COL7A1: variants seen among roughly 807,000 people sequenced by gnomAD.
COL7A1 encodes collagen type VII alpha 1 chain.
In COL7A1, 296 loss-of-function variants were observed where a neutral mutation model predicts 456.2. The ratio of observed to expected loss-of-function variants is 0.65; its 90% CI spans 0.59 to 0.71. COL7A1 has a LOEUF of 0.71. Ranked by LOEUF, COL7A1 falls within the 30% of genes least tolerant of loss-of-function variation. The pLI, the probability that COL7A1 is intolerant of heterozygous loss-of-function variation, is 0.00. For synonymous variants in COL7A1, 1,464 were observed against 1,525.9 expected (o/e 0.96, Z 0.95); for missense variants, 3,441 against 4,017.2 (o/e 0.86, Z 3.88).
At position 48,567,070 on chromosome 3, in the gene COL7A1, GACCCTCT is replaced by G. The variant is rs757268267; in HGVS notation, c.8109+51_8110-48del. 6.9e-5 allele frequency: 112 copies of G among 1,613,000 alleles called. No homozygotes were observed. The highest frequency in any genetic ancestry group is 8.3e-5 in the Non-Finnish European group (98 of 1,179,330). On this transcript the variant is annotated intron_variant, in intron 110 of 118. Transcript: ENST00000681320. The surrounding 1 kb of genome is among the most constrained non-coding windows in gnomAD (Gnocchi z 4.3). ...TCAGTAATCAGAGGCCCCAGAGATG[GACCCTCT>G]CCCAAAGTGCACGCTCCCCTCAATT...
Position 48,579,907 on chromosome 3 carries a change from C to T in COL7A1, c.5125-93G>A, listed in dbSNP as rs560647464. The stretch of plus-strand genomic sequence containing the variant: ...GGGTCTGTGAGGGGCTCCAGGGATC[C>T]GCGGAGGTTTCAGAGGGACAGTGGG... On this transcript the variant is annotated intron_variant, in intron 57 of 118. Coordinates refer to ENST00000681320, the MANE Select transcript of COL7A1 (RefSeq NM_000094.4). This position sits in a 1 kb window ranked among gnomAD's most constrained non-coding sequence, Gnocchi z 4.4. 24 of 1,608,458 alleles carry T rather than the reference C, an allele frequency of 1.5e-5. 2 individuals carry two copies. The highest frequency in any genetic ancestry group is 9.3e-5 in the African/African-American group (7 of 74,878).
At position 48,592,703 on chromosome 3, in the gene COL7A1, C is replaced by A. The variant is rs1339832488; in HGVS notation, c.847-4G>T. 6.2e-7 allele frequency: 1 copy of A among 1,613,694 alleles called. No individual in the cohort carries two copies. The highest frequency in any genetic ancestry group is 8.5e-7 in the Non-Finnish European group (1 of 1,180,046). ...TCTCACCAGCTGGGACGTTCACCTG[C>A]CCAGGGCAAGAGGTCACTTTATCTT... On this transcript the variant is annotated splice_polypyrimidine_tract_variant and splice_region_variant and intron_variant, in intron 7 of 118. Coordinates refer to ENST00000681320, the MANE Select transcript of COL7A1 (RefSeq NM_000094.4). This position sits in a 1 kb window ranked among gnomAD's most constrained non-coding sequence, Gnocchi z 7.6.
At position 48,587,023 on chromosome 3, in the gene COL7A1, G is replaced by GA; in HGVS notation, c.3224dup (p.Leu1076ProfsTer38). 1 of 1,605,034 alleles carries GA rather than the reference G, an allele frequency of 6.2e-7. No individual in the cohort carries two copies. The highest frequency in any genetic ancestry group is 8.5e-7 in the Non-Finnish European group (1 of 1,175,846). On this transcript the variant is annotated frameshift_variant, in exon 25 of 119. Transcript: ENST00000681320. LOFTEE classifies it high-confidence loss of function. The surrounding 1 kb of genome is among the most constrained non-coding windows in gnomAD (Gnocchi z 6.1). ...CAAGTGCCAACACCAGACGCTCCAG[G>GA]ACCCTCCTCGTAGCCTCCGCACGGT...
chr3:48,566,694 C>T lies in COL7A1; in HGVS notation c.8270G>A (p.Gly2757Glu). 6.2e-7 allele frequency: 1 copy of T among 1,614,070 alleles called. No homozygotes were observed. Among genetic ancestry groups the T allele is most frequent in the Non-Finnish European group, 8.5e-7 (1 of 1,179,994 alleles). ...PPGERVVGAP[G>E]VPGAPGERGE... ...TCTCTCGCCAGGAGCTCCAGGGACC[C>T]CAGGAGCCCCCACCACTCTCTCTCC... Residue 2757 changes from glycine (G) to glutamate (E), a missense_variant, in exon 112 of 119, where the codon GGG becomes GAG. By Grantham distance (98) the Gly-to-Glu change is moderately conservative. Coordinates refer to ENST00000681320, the MANE Select transcript of COL7A1 (RefSeq NM_000094.4). The surrounding 1 kb of genome is among the most constrained non-coding windows in gnomAD (Gnocchi z 5.9).
Position 48,586,322 on chromosome 3 carries a change from T to C in COL7A1, c.3550+10A>G. ...TTCCCAGACCCCTTCCCCATCAGCCTACTCCTTACCAGAAGCCTGGGCCTC... is the reference window on the plus strand; with the variant it reads ...TTCCCAGACCCCTTCCCCATCAGCCCACTCCTTACCAGAAGCCTGGGCCTC... On this transcript the variant is annotated intron_variant, in intron 27 of 118. Transcript: ENST00000681320. This position sits in a 1 kb window ranked among gnomAD's most constrained non-coding sequence, Gnocchi z 5.1. 1 of 1,613,844 alleles carries C rather than the reference T, an allele frequency of 6.2e-7. No individual in the cohort carries two copies. Among genetic ancestry groups the C allele is most frequent in the Non-Finnish European group, 8.5e-7 (1 of 1,179,962 alleles).
rs2045898410 is a variant in COL7A1, at chr3:48,594,047, G to T, written c.266+321C>A. The stretch of plus-strand genomic sequence containing the variant: ...AGCACCTCTGGTGAACGGCTGCAAG[G>T]GTTAGAGGGCTAGAACGTGGAGAAT... On this transcript the variant is annotated intron_variant, in intron 3 of 118. Transcript: ENST00000681320. This position sits in a 1 kb window ranked among gnomAD's most constrained non-coding sequence, Gnocchi z 5.5. 6.6e-6 allele frequency among the ~76,000 whole-genome samples: 1 copy of T among 152,202 alleles called. No individual in the cohort carries two copies. The highest frequency in any genetic ancestry group is 1.5e-5 in the Non-Finnish European group (1 of 68,034).
rs1330168198 is a variant in COL7A1 at position 48,567,811 on chromosome 3, G to GC, written c.7929+26dup. 8.7e-6 allele frequency: 14 copies of GC among 1,613,828 alleles called. No individual in the cohort carries two copies. The East Asian group carries it at 3.1e-4, about 36-fold the overall frequency. On this transcript the variant is annotated intron_variant, in intron 107 of 118. Transcript: ENST00000681320. This position sits in a 1 kb window ranked among gnomAD's most constrained non-coding sequence, Gnocchi z 4.3. ...TGAGCCTTAGGCCCCAGGCCACGTA[G>GC]CCCCCCAGCCCCCATCCCCTCTGTA...
rs762416219 is a variant in COL7A1 at position 48,577,020 on chromosome 3, G to C, written c.5540C>G (p.Pro1847Arg). Residue 1847 changes from proline (P) to arginine (R), a missense_variant, in exon 66 of 119, where the codon CCT (proline) becomes CGT (arginine). Transcript: ENST00000681320. ...KPGLNGKNGE[P>R]GDPGEDGRKG... ...CCTCCCGTCTTCTCCAGGGTCCCCA[G>C]GTTCTCCCTGTGGGCAGAGGACTCA... is the stretch of plus-strand genomic sequence containing the variant. 1.2e-6 allele frequency: 2 copies of C among 1,613,950 alleles called. No homozygotes were observed. Among genetic ancestry groups the C allele is most frequent in the Non-Finnish European group, 1.7e-6 (2 of 1,180,036 alleles).
In COL7A1 at chr3:48,585,077, G is replaced by C. The variant is rs375795047; in HGVS notation, c.3934C>G (p.Arg1312Gly). The C allele has an allele frequency of 1.2e-6, 2 of 1,612,162 alleles. No homozygotes were observed. Among genetic ancestry groups the C allele is most frequent in the African/African-American group, 2.7e-5 (2 of 74,888 alleles). Residue 1312 changes from arginine (R) to glycine (G), a missense_variant, in exon 33 of 119, where the codon CGC becomes GGC. Around this residue, in one of 3 missense-constraint regions of COL7A1, gnomAD observed 2,084 missense variants for 2,501.3 expected, o/e 0.83. Transcript: ENST00000681320. The surrounding 1 kb of genome is among the most constrained non-coding windows in gnomAD (Gnocchi z 4.5). ...GADGRPGSPG[R>G]AGNPGTPGAP... ...CCAGGGGTCCCAGGATTCCCGGCGC[G>C]GCCAGGGCTGCCTGGACGCCCATCT...
chr3:48,590,241 G>A lies in COL7A1; in HGVS notation c.2022C>T (p.Gly674=), dbSNP rs1488401938. Residue 674 remains glycine (G), a synonymous_variant, in exon 16 of 119, where the codon GGC becomes GGT. Transcript: ENST00000681320. This position sits in a 1 kb window ranked among gnomAD's most constrained non-coding sequence, Gnocchi z 4.6. Reference sequence around the variant, plus strand: ...TTCGAGCCACGATGACTGCAGCAGGGCCCTCCTCTCTGCCTCGCAGTACCG... The same window carrying A: ...TTCGAGCCACGATGACTGCAGCAGGACCCTCCTCTCTGCCTCGCAGTACCG... ...AVSVLRGREE[G]PAAVIVARTD... is the part of the protein sequence containing the mutation. 3 of 1,613,570 alleles carry A rather than the reference G, an allele frequency of 1.9e-6. No homozygotes were observed. Among genetic ancestry groups the A allele is most frequent in the South Asian group, 1.1e-5 (1 of 91,070 alleles).
At position 48,592,674 on chromosome 3, in the gene COL7A1, C is replaced by T; in HGVS notation, c.872G>A (p.Ser291Asn). ...TGGCCGGAGACCCCGCAGCCGCACA[C>T]TGGTCTCACCAGCTGGGACGTTCAC... ...QEVNVPAGETSVRLRGLRPLT... is the reference protein window; with the variant it reads ...QEVNVPAGETNVRLRGLRPLT... Residue 291 changes from serine (S) to asparagine (N), a missense_variant, in exon 8 of 119, where the codon AGT becomes AAT. Ser to Asn is a conservative substitution (Grantham distance 46). Coordinates refer to ENST00000681320, the MANE Select transcript of COL7A1 (RefSeq NM_000094.4). The surrounding 1 kb of genome is among the most constrained non-coding windows in gnomAD (Gnocchi z 7.6). 1 of 1,613,786 alleles carries T rather than the reference C, an allele frequency of 6.2e-7. No individual in the cohort carries two copies. Among genetic ancestry groups the T allele is most frequent in the East Asian group, 2.2e-5 (1 of 44,834 alleles).
rs753913795 is a variant in COL7A1, at chr3:48,571,080, G to A, written c.7164+21C>T. ...GGCCCGGCCTGCTGCCCCTACAACT[G>A]GTGATGGGGCATTGACTTACCTTCA... On this transcript the variant is annotated intron_variant, in intron 94 of 118. Coordinates refer to ENST00000681320, the MANE Select transcript of COL7A1 (RefSeq NM_000094.4). This position sits in a 1 kb window ranked among gnomAD's most constrained non-coding sequence, Gnocchi z 4.6. 6.2e-7 allele frequency: 1 copy of A among 1,613,660 alleles called. No individual in the cohort carries two copies. The highest frequency in any genetic ancestry group is 1.1e-5 in the South Asian group (1 of 91,078).
rs1211190545 is a variant in COL7A1, at chr3:48,576,183, G to A, written c.5820+66C>T. On this transcript the variant is annotated intron_variant, in intron 71 of 118. Coordinates refer to ENST00000681320, the MANE Select transcript of COL7A1 (RefSeq NM_000094.4). ...ATGGAGCCTCATGGCAAGGGGAAGG[G>A]GATGGCAAGGTGGCCCCAATGGGCA... The A allele has an allele frequency of 1.9e-6, 3 of 1,605,824 alleles. No individual in the cohort carries two copies. In the African/African-American group the frequency reaches 4.0e-5, roughly 21 times the overall value.
At position 48,568,654 on chromosome 3, in the gene COL7A1, G is replaced by A. The variant is rs928947516; in HGVS notation, c.7759-120C>T. ...AGGGCCCAGGCCACACACAGATCCC[G>A]GGTGAACACACATGGGGCCGGCAGC... On this transcript the variant is annotated intron_variant, in intron 104 of 118. Transcript: ENST00000681320. The surrounding 1 kb of genome is among the most constrained non-coding windows in gnomAD (Gnocchi z 5.2). 22 of 1,472,740 alleles carry A rather than the reference G, an allele frequency of 1.5e-5. No individual in the cohort carries two copies. The highest frequency in any genetic ancestry group is 2.8e-5 in the African/African-American group (2 of 71,574). The allele number at this position is 1,472,740 out of a possible 1,614,324, so 91.2% of individuals were successfully genotyped here.
At chr3:48,577,098 T>G in intron 65 of COL7A1, 71 bp from the exon 66 acceptor site, 4 of 1,588,466 alleles carry the variant, frequency 2.5e-6, no homozygotes, top group Non-Finnish European at 3.5e-6. Flanking sequence ...CCTTGCTAGA[T>G]TTCAGATGAC....
rs762460240 is a variant in COL7A1, at chr3:48,571,291, A to T, written c.7069-13T>A. ...CCCCTTTCTGACCCTAAGAAAACCC[A>T]GCAAACAGCATTTGAGAGGGTAGGA... On this transcript the variant is annotated splice_polypyrimidine_tract_variant and intron_variant, in intron 92 of 118. Transcript: ENST00000681320. This position sits in a 1 kb window ranked among gnomAD's most constrained non-coding sequence, Gnocchi z 4.6. 6.2e-7 allele frequency: 1 copy of T among 1,614,184 alleles called. No individual in the cohort carries two copies. The highest frequency in any genetic ancestry group is 1.7e-5 in the Admixed American group (1 of 60,022).
intron 44 of COL7A1, 45 bp downstream of exon 44, chr3:48,582,968 C>T: frequency 6.2e-7 from 1 of 1,613,902 alleles, no homozygotes; most frequent in Non-Finnish European, 8.5e-7. Context: ...CCAGAAAGGG[C>T]ACAGCCAGGT....
Position 48,586,152 on chromosome 3 carries a change from G to C in COL7A1, c.3645C>G (p.Ala1215=). 6.2e-7 allele frequency: 1 copy of C among 1,613,294 alleles called. No homozygotes were observed. Among genetic ancestry groups the C allele is most frequent in the Non-Finnish European group, 8.5e-7 (1 of 1,180,036 alleles). The part of the protein sequence containing the change: ...PGMDSVQTFF[A]VDDGPSLDQA... ...GGTCCAGGCTTGGCCCATCATCCAC[G>C]GCGAAGAAGGTCTGGACAGAGTCCA... Residue 1215 remains alanine (A), a synonymous_variant, in exon 28 of 119, where the codon GCC becomes GCG. Transcript: ENST00000681320. This position sits in a 1 kb window ranked among gnomAD's most constrained non-coding sequence, Gnocchi z 5.1.
chr3:48,571,707 G>A lies in COL7A1; in HGVS notation c.7068+294C>T. 3 of 642,786 alleles carry A rather than the reference G, an allele frequency of 4.7e-6. No individual in the cohort carries two copies. The East Asian group carries it at 8.7e-5, about 19-fold the overall frequency. 39.8% of individuals were successfully genotyped at this position (642,786 alleles called of 1,614,324 possible). On this transcript the variant is annotated intron_variant, in intron 92 of 118. Transcript: ENST00000681320. This position sits in a 1 kb window ranked among gnomAD's most constrained non-coding sequence, Gnocchi z 4.6. Reference sequence around the variant, plus strand: ...CACAGGACCAAGGAGAGGTTCACAAGAACTCAGGTGTGTCCTGGGATCTGG... The same window carrying A: ...CACAGGACCAAGGAGAGGTTCACAAAAACTCAGGTGTGTCCTGGGATCTGG...
Sources: gnomAD v4.1 joint callset for allele counts (sites outside exome capture counted in the v4.1 genomes callset) on GRCh38, gnomAD v4.1.1 for gene constraint, gnomAD v4.1.1 regional missense constraint, Gnocchi (gnomAD v3.1) non-coding constraint, MANE v1.5 for transcripts, NCBI Gene and HGNC (gene_info 2026-07-23, HGNC 2026-07-21) for gene names.